Variants in TGM2 observed in about 807,000 individuals in gnomAD.
The protein encoded by TGM2 is protein-glutamine gamma-glutamyltransferase 2.
A neutral mutation model predicts 75.6 loss-of-function variants in TGM2; 53 were observed. The ratio of observed to expected loss-of-function variants is 0.70; its 90% CI spans 0.56 to 0.88. TGM2 has a LOEUF of 0.88. Ranked by LOEUF, TGM2 falls within the 40% of genes least tolerant of loss-of-function variation. The pLI is 0.00. For missense variants in TGM2, 842 were observed against 928.5 expected (o/e 0.91, Z 1.21); for synonymous variants, 374 against 381.1 (o/e 0.98, Z 0.22).
intron 8 of TGM2, 99 bp downstream of exon 8, chr20:38,141,183 G>A (rs566607851): frequency 3.3e-5 from 31 of 928,142 alleles, no homozygotes; most frequent in Middle Eastern, 2.1e-4. Context: ...AGTGGTCTCC[G>A]GGTGAGCTCC....
chr20:38,149,678 CAAAAAAAAA>C (rs1199376180), intron 4 of TGM2, among the ~76,000 whole-genome samples: 1 of 40,464 alleles, frequency 2.5e-5, no homozygotes, highest in African/African-American at 9.3e-5. Context: ...GACTCCGCCT[CAAAAAAAAA>C]AAAAAAAAAA....
rs768583570 is a variant in TGM2, at chr20:38,148,016, C to T, written c.626G>A (p.Arg209His). The T allele has an allele frequency of 3.8e-5, 62 of 1,612,010 alleles. No individual in the cohort carries two copies. In the East Asian group the frequency reaches 5.4e-4, roughly 14 times the overall value. ...GGGGCTGCTGCGGCGGGAGCAGTCACGGCCGGCGTTCTTCAGGAACTTGGG... is the reference window on the plus strand; with the variant it reads ...GGGGCTGCTGCGGCGGGAGCAGTCATGGCCGGCGTTCTTCAGGAACTTGGG... ...VNPKFLKNAG[R>H]DCSRRSSPVY... Residue 209 changes from arginine (R) to histidine (H), a missense_variant, in exon 5 of 13, where the codon CGT becomes CAT. Coordinates refer to ENST00000361475, the MANE Select transcript of TGM2 (RefSeq NM_004613.4).
At chr20:38,143,708 C>G (rs1257412663) in intron 6 of TGM2, among the ~76,000 whole-genome samples, 1 of 152,152 alleles carries the variant, frequency 6.6e-6, no homozygotes, top group Non-Finnish European at 1.5e-5. Flanking sequence ...GTAAAAGTAA[C>G]AGATTCCCAG....
At chr20:38,137,106 G>A (rs1356884859) in intron 10 of TGM2, among the ~76,000 whole-genome samples, 1 of 152,202 alleles carries the variant, frequency 6.6e-6, no homozygotes, top group Non-Finnish European at 1.5e-5. Flanking sequence ...AGGCCTGGAC[G>A]CTCCCACCTT....
At chr20:38,130,975 T>A (rs2074821973) in intron 12 of TGM2, 118 bp downstream of exon 12, 1 of 1,508,482 alleles carries the variant, frequency 6.6e-7, no homozygotes, top group South Asian at 1.2e-5. Flanking sequence ...GGCACAGCTG[T>A]GTGGGAGATG....
At chr20:38,165,321 G>A, upstream of TGM2, 1 of 1,475,376 alleles carries the variant, frequency 6.8e-7, no homozygotes, top group Non-Finnish European at 9.3e-7. Flanking sequence ...GGCGGGCCGG[G>A]GGCGGGGCCC....
intron 11 of TGM2, 91 bp downstream of exon 11, chr20:38,132,249 G>T (rs2074842868): frequency 6.9e-7 from 1 of 1,450,282 alleles, no homozygotes; most frequent in South Asian, 1.2e-5. Flanking sequence ...AGCTTGCAGG[G>T]ATGCAGGTGT....
chr20:38,165,832 G>A (rs45580536), upstream of TGM2, among the ~76,000 whole-genome samples: 258 of 151,872 alleles, frequency 1.7e-3, no homozygotes, highest in Admixed American at 3.7e-3. Flanking sequence ...GGCTGGCCAC[G>A]CAGACACAGT....
chr20:38,156,303 G>T (rs2075187050), intron 2 of TGM2, among the ~76,000 whole-genome samples: 3 of 152,246 alleles, frequency 2.0e-5, no homozygotes, highest in Non-Finnish European at 4.4e-5. Context: ...TTGTGGGAAT[G>T]CATAAAAAGC....
At chr20:38,135,283 G>A (rs928199203) in intron 10 of TGM2, among the ~76,000 whole-genome samples, 5 of 152,158 alleles carry the variant, frequency 3.3e-5, no homozygotes, top group African/African-American at 4.8e-5. Flanking sequence ...CTCTGAGCAC[G>A]AGAAGGAGCT....
At chr20:38,160,196 T>A (rs2075237178) in intron 2 of TGM2, among the ~76,000 whole-genome samples, 2 of 152,230 alleles carry the variant, frequency 1.3e-5, no homozygotes, top group African/African-American at 4.8e-5. Context: ...AGCCAAGGAA[T>A]GCTTGCTGCC....
In TGM2 at chr20:38,132,418, G is replaced by A. The variant is rs781116119; in HGVS notation, c.1698C>T (p.Leu566=). The A allele has an allele frequency of 1.2e-6, 2 of 1,614,156 alleles. No homozygotes were observed. The change falls in exon 11 of 13, where the codon CTC becomes CTT. Residue 566 remains leucine (L), a synonymous_variant. Transcript: ENST00000361475. ...AGCTGTTGATAACTGGCTCCACGAG[G>A]AGGGCCCGCACCTTGATGAGGTTGG... ...TESNLIKVRA[L]LVEPVINSYL...
intron 12 of TGM2, 137 bp from the exon 13 acceptor site, chr20:38,130,506 C>T (rs1012723759): frequency 2.8e-5 from 27 of 960,116 alleles, no homozygotes; most frequent in African/African-American, 8.3e-5. Context: ...CGGCCCTCTG[C>T]GGGGCCTGGA....
At chr20:38,139,129 C>T (rs2074937168) in intron 9 of TGM2, among the ~76,000 whole-genome samples, 1 of 152,164 alleles carries the variant, frequency 6.6e-6, no homozygotes. Context: ...GTTCGATGTG[C>T]TCAAATCCAA....
chr20:38,158,734 T>C (rs2075217474), intron 2 of TGM2, among the ~76,000 whole-genome samples: 3 of 152,218 alleles, frequency 2.0e-5, no homozygotes, highest in Non-Finnish European at 2.9e-5. Flanking sequence ...TCAGGCCACA[T>C]GCTCCATTCG....
chr20:38,166,694 G>A (rs1471680609), upstream of TGM2: 1 of 152,208 alleles, frequency 6.6e-6, no homozygotes, highest in Admixed American at 6.5e-5. Flanking sequence ...TCCATTCCTA[G>A]GTGACATATG....
In TGM2 at chr20:38,131,181, G is replaced by A; in HGVS notation, c.1825C>T (p.Leu609=). The change falls in exon 12 of 13, where the codon CTG becomes TTG. Residue 609 remains leucine, a synonymous_variant. Coordinates refer to ENST00000361475, the MANE Select transcript of TGM2 (RefSeq NM_004613.4). ...QKRKLVAEVS[L]QNPLPVALEG... is the part of the protein sequence containing the mutation. ...AGGGCCACAGGGAGCGGGTTCTGCA[G>A]GGACACCTCAGCCACCAGCTTGCGT... 2.5e-6 allele frequency: 4 copies of A among 1,613,938 alleles called. No homozygotes were observed. The highest frequency in any genetic ancestry group is 3.4e-6 in the Non-Finnish European group (4 of 1,180,028).
chr20:38,150,940 T>A lies in TGM2; in HGVS notation c.551A>T (p.Gln184Leu). Residue 184 changes from glutamine (Q) to leucine (L), a missense_variant and splice_region_variant, in exon 4 of 13, where the codon CAG becomes CTG. By Grantham distance (113) the Gln-to-Leu change is moderately radical. Transcript: ENST00000361475. ...GGAGAGACAGGGTGTGGCCCTTACC[T>A]GCCCAAAATTCCAAGGTATGTTCTT... ...FIKNIPWNFG[Q>L]FEDGILDICL... 4 of 1,612,848 alleles carry A rather than the reference T, an allele frequency of 2.5e-6. No individual in the cohort carries two copies. Among genetic ancestry groups the A allele is most frequent in the Non-Finnish European group, 3.4e-6 (4 of 1,178,806 alleles).
At chr20:38,152,781 A>G (rs2075128945) in intron 3 of TGM2, among the ~76,000 whole-genome samples, 1 of 152,070 alleles carries the variant, frequency 6.6e-6, no homozygotes, top group Non-Finnish European at 1.5e-5. Flanking sequence ...CACCAGCTCC[A>G]CAGTTCCCGC....
Sources: gnomAD v4.1 joint callset for allele counts (sites outside exome capture counted in the v4.1 genomes callset) on GRCh38, gnomAD v4.1.1 for gene constraint, MANE v1.5 for transcripts, NCBI Gene and HGNC (gene_info 2026-07-23, HGNC 2026-07-21) for gene names.